The following TGFB2 variants were observed in gnomAD, a reference collection of about 807,000 sequenced individuals.
TGFB2 encodes the protein transforming growth factor beta 2, also known as transforming growth factor beta-2 proprotein.
A neutral mutation model predicts 42.7 loss-of-function variants in TGFB2; 13 were observed. That is an observed-to-expected ratio of 0.30 (90% confidence interval 0.20 to 0.48). The LOEUF (loss-of-function observed/expected upper bound fraction) is 0.48, where lower values mean the gene tolerates loss of function less well. TGFB2 is among the 20% of genes least tolerant of loss of function. The pLI is 0.99. For synonymous variants in TGFB2, 193 were observed against 193.6 expected, an observed-to-expected ratio of 1.00 and a Z score of 0.03; for missense variants, 390 against 517.5, an observed-to-expected ratio of 0.75 and a Z score of 2.39.
At chr1:218,421,171 T>C (rs375424730) in intron 2 of TGFB2, among the ~76,000 whole-genome samples, 7 of 152,306 alleles carry the variant, frequency 4.6e-5, no homozygotes, top group East Asian at 3.9e-4. Flanking sequence ...CCAGTTCTGA[T>C]TCTCTATAAA....
At chr1:218,388,084 A>T (rs1359728648) in intron 1 of TGFB2, among the ~76,000 whole-genome samples, 2 of 152,220 alleles carry the variant, frequency 1.3e-5, no homozygotes, top group African/African-American at 2.4e-5. Flanking sequence ...ATGGACGTGG[A>T]ATTAGGCATA....
intron 6 of TGFB2, among the ~76,000 whole-genome samples, chr1:218,440,538 C>T (rs1015192752): frequency 2.0e-5 from 3 of 152,166 alleles, no homozygotes; most frequent in Non-Finnish European, 4.4e-5. Flanking sequence ...GCGTGAGCCA[C>T]CGTGCCCAGC....
At chr1:218,353,317 G>A (rs772769038) in intron 1 of TGFB2, among the ~76,000 whole-genome samples, 1 of 152,150 alleles carries the variant, frequency 6.6e-6, no homozygotes, top group Non-Finnish European at 1.5e-5. Context: ...GGCAGGGATG[G>A]GATGGGGCTG....
intron 1 of TGFB2, among the ~76,000 whole-genome samples, chr1:218,379,978 C>T (rs113802895): frequency 1.3e-5 from 2 of 152,172 alleles, no homozygotes; most frequent in African/African-American, 4.8e-5. Flanking sequence ...GCTTCATATA[C>T]TCCAGGCACT....
chr1:218,427,604 G>A (rs563573591), intron 2 of TGFB2, among the ~76,000 whole-genome samples: 13 of 152,160 alleles, frequency 8.5e-5, no homozygotes, highest in African/African-American at 3.1e-4. Context: ...CTGTCCTTGC[G>A]ATAGTTTGCT....
At chr1:218,390,251 T>G (rs190649035) in intron 1 of TGFB2, among the ~76,000 whole-genome samples, 1 of 151,596 alleles carries the variant, frequency 6.6e-6, no homozygotes, top group Non-Finnish European at 1.5e-5. Flanking sequence ...ACCACCTGAG[T>G]TTTTTTTGCA....
rs1242868895 is a variant in TGFB2, at chr1:218,349,544, TGGGAAA to T, written c.346+2499_346+2504del. On this transcript the variant is annotated intron_variant, in intron 1 of 6. Transcript: ENST00000366930. ...GTCATAAGCCCCAGAGATGAAGCCATGGGAAAGATCACTGGTTCATTTTTTACCATC... is the reference window on the plus strand; with the variant it reads ...GTCATAAGCCCCAGAGATGAAGCCATGATCACTGGTTCATTTTTTACCATC... 1.2e-4 allele frequency among the ~76,000 whole-genome samples: 19 copies of T among 152,282 alleles called. 1 individual carries two copies. The South Asian group carries it at 3.7e-3, about 30-fold the overall frequency.
intron 2 of TGFB2, among the ~76,000 whole-genome samples, chr1:218,406,903 C>T (rs1571876791): frequency 6.6e-6 from 1 of 152,264 alleles, no homozygotes; most frequent in East Asian, 1.9e-4. Flanking sequence ...ATGATTAAAA[C>T]ATGGGATTAC....
rs1288045251 is a variant in TGFB2 at position 218,408,813 on chromosome 1, C to T, written c.510+3481C>T. ...CCCCAGCCTTTTTGGCACCAGGGACCAGTTTTGTGGAATACAATTTTTCCA... is the reference window on the plus strand; with the variant it reads ...CCCCAGCCTTTTTGGCACCAGGGACTAGTTTTGTGGAATACAATTTTTCCA... On this transcript the variant is annotated intron_variant, in intron 2 of 6. Transcript: ENST00000366930. Among the ~76,000 whole-genome samples the T allele has an allele frequency of 1.4e-4, 22 of 152,046 alleles. 1 individual carries two copies. The highest frequency in any genetic ancestry group is 1.4e-3 in the Admixed American group (22 of 15,252).
At chr1:218,406,683 TC>T (rs1291438317) in intron 2 of TGFB2, among the ~76,000 whole-genome samples, 1 of 152,092 alleles carries the variant, frequency 6.6e-6, no homozygotes, top group Non-Finnish European at 1.5e-5. Context: ...TGATGGGGGA[TC>T]ATCATTCTTG....
chr1:218,373,292 G>A (rs1481699750), intron 1 of TGFB2, among the ~76,000 whole-genome samples: 1 of 152,054 alleles, frequency 6.6e-6, no homozygotes, highest in Non-Finnish European at 1.5e-5. Context: ...ATCCATGTTA[G>A]GTTTTGAGTG....
chr1:218,346,969 G>A lies in TGFB2; in HGVS notation c.268G>A (p.Glu90Lys), dbSNP rs749309877. 2 of 1,613,758 alleles carry A rather than the reference G, an allele frequency of 1.2e-6. No individual in the cohort carries two copies. Among genetic ancestry groups the A allele is most frequent in the African/African-American group, 1.3e-5 (1 of 74,940 alleles). Residue 90 changes from glutamate to lysine, a missense_variant, in exon 1 of 7, where the codon GAG becomes AAG. By Grantham distance (56) the Glu-to-Lys change is moderately conservative. Coordinates refer to ENST00000366930, the MANE Select transcript of TGFB2 (RefSeq NM_003238.6). The surrounding 1 kb of genome is among the most constrained non-coding windows in gnomAD (Gnocchi z 4.9). ...EKASRRAAAC[E>K]RERSDEEYYA... ...GGCGAGCCGGAGGGCGGCCGCCTGC[G>A]AGCGCGAGAGGAGCGACGAAGAGTA...
At chr1:218,428,768 A>G (rs1659709865) in intron 2 of TGFB2, among the ~76,000 whole-genome samples, 3 of 152,082 alleles carry the variant, frequency 2.0e-5, no homozygotes, top group Non-Finnish European at 2.9e-5. Flanking sequence ...GTCAGGTAGC[A>G]TGATGCTTCC....
intron 2 of TGFB2, among the ~76,000 whole-genome samples, chr1:218,419,127 C>A (rs1439261174): frequency 3.9e-5 from 6 of 152,146 alleles, no homozygotes; most frequent in African/African-American, 1.4e-4. Flanking sequence ...AAGTCCTTAC[C>A]ATGACTTAGG....
At position 218,442,675 on chromosome 1, in the gene TGFB2, T is replaced by G. The variant is rs1237503805; in HGVS notation, c.*1313T>G. On this transcript the variant is annotated 3_prime_UTR_variant, in exon 7 of 7. Coordinates refer to ENST00000366930, the MANE Select transcript of TGFB2 (RefSeq NM_003238.6). ...TACCTGGGTCCACTTGTCTTTTCTT[T>G]TTTTTGTTTCACAGAAAAGATGGGT... 6.6e-6 allele frequency: 1 copy of G among 152,104 alleles called. No individual in the cohort carries two copies. Among genetic ancestry groups the G allele is most frequent in the Admixed American group, 6.6e-5 (1 of 15,260 alleles). 9.4% of individuals were successfully genotyped at this position (152,104 alleles called of 1,614,324 possible). A position where few individuals can be genotyped will look rare whatever the true frequency, so the allele number is the denominator to read the frequency against.
chr1:218,431,097 G>A (rs1363607247), intron 2 of TGFB2, among the ~76,000 whole-genome samples: 3 of 152,156 alleles, frequency 2.0e-5, no homozygotes, highest in African/African-American at 4.8e-5. Flanking sequence ...GACAAAAGTC[G>A]CTACTGTGTT....
At chr1:218,380,935 A>G (rs891499311) in intron 1 of TGFB2, among the ~76,000 whole-genome samples, 3 of 152,236 alleles carry the variant, frequency 2.0e-5, no homozygotes, top group African/African-American at 7.2e-5. Flanking sequence ...CATCCTTTCA[A>G]TTCTATGAGA....
intron 2 of TGFB2, among the ~76,000 whole-genome samples, chr1:218,417,344 G>T (rs989734514): frequency 6.6e-6 from 1 of 152,202 alleles, no homozygotes; most frequent in Non-Finnish European, 1.5e-5. Flanking sequence ...ATGGCATTTT[G>T]CCCCTACCCT....
intron 1 of TGFB2, among the ~76,000 whole-genome samples, chr1:218,383,021 T>C (rs2102568820): frequency 6.6e-6 from 1 of 152,348 alleles, no homozygotes; most frequent in South Asian, 2.1e-4. Context: ...CTACTGTAAA[T>C]TCTTTTTGGA....
Sources: allele counts gnomAD v4.1 joint callset (sites outside exome capture counted in the v4.1 genomes callset), GRCh38; gene constraint gnomAD v4.1.1; non-coding constraint Gnocchi (gnomAD v3.1); transcripts MANE v1.5; gene names NCBI Gene and HGNC (gene_info 2026-07-23, HGNC 2026-07-21).